Variants in C19orf44 observed in about 807,000 individuals in gnomAD.
C19orf44 encodes the protein uncharacterized protein C19orf44.
A neutral mutation model predicts 50.7 loss-of-function variants in C19orf44; 43 were observed. That is an observed-to-expected ratio of 0.85 (90% CI 0.66 to 1.09). C19orf44 has a LOEUF of 1.09. Among genes scored for constraint, C19orf44 ranks in the 50% least tolerant of loss-of-function variants. C19orf44 has a pLI of 0.00. For synonymous variants in C19orf44, 298 were observed against 334.7 expected (o/e 0.89, Z 1.20); for missense variants, 722 against 836.2 (o/e 0.86, Z 1.68).
At chr19:16,506,375 C>T (rs1341778494) in intron 3 of C19orf44, among the ~76,000 whole-genome samples, 3 of 152,062 alleles carry the variant, frequency 2.0e-5, no homozygotes, top group Non-Finnish European at 4.4e-5. Context: ...AGGTGAATCA[C>T]TTGAGGCCAG....
intron 7 of C19orf44, among the ~76,000 whole-genome samples, chr19:16,514,993 C>T (rs2093467829): frequency 6.6e-6 from 1 of 152,250 alleles, no homozygotes. Context: ...CCTCCTGAGA[C>T]ATCCCCGAGA....
At chr19:16,500,086 G>A (rs1247621264) in intron 1 of C19orf44, among the ~76,000 whole-genome samples, 6 of 151,854 alleles carry the variant, frequency 4.0e-5, no homozygotes, top group African/African-American at 9.7e-5. Flanking sequence ...CACGCCTGGC[G>A]CTTGACTAAT....
Position 16,503,397 on chromosome 19 carries a change from T to C in C19orf44, c.1075+17T>C. The C allele has an allele frequency of 1.3e-6, 2 of 1,597,012 alleles. No homozygotes were observed. The highest frequency in any genetic ancestry group is 2.3e-5 in the South Asian group (2 of 88,588). ...GCCTCGACGGTAATCCCAGTCCCGG[T>C]GCAAAGCCAGTACCTTGGGCAGGAA... On this transcript the variant is annotated intron_variant, in intron 3 of 8. Transcript: ENST00000221671.
Position 16,506,838 on chromosome 19 carries a change from A to G in C19orf44, c.1149+64A>G, listed in dbSNP as rs1195859735. On this transcript the variant is annotated intron_variant, in intron 4 of 8. Transcript: ENST00000221671. ...TTGGCTTCAACATTTTTTTTTTTAA[A>G]TTTTTAAAAAATTTAAAAATTGAGG... 3.2e-6 allele frequency: 4 copies of G among 1,267,748 alleles called. No individual in the cohort carries two copies. In the Admixed American group the frequency reaches 9.6e-5, roughly 31 times the overall value. The allele number at this position is 1,267,748 out of a possible 1,614,324, so 78.5% of individuals were successfully genotyped here. A position where few individuals can be genotyped will look rare whatever the true frequency, so the allele number is the denominator to read the frequency against.
At chr19:16,504,880 G>A (rs1271798171) in intron 3 of C19orf44, among the ~76,000 whole-genome samples, 2 of 151,052 alleles carry the variant, frequency 1.3e-5, no homozygotes, top group Admixed American at 1.3e-4. Context: ...GTGCAATGGC[G>A]TGATCTCGGC....
chr19:16,519,094 C>T lies in C19orf44; in HGVS notation c.*41-1000C>T, dbSNP rs1183746892. 5 of 1,422,942 alleles carry T rather than the reference C, an allele frequency of 3.5e-6. No individual in the cohort carries two copies. The African/African-American group carries it at 5.7e-5, about 16-fold the overall frequency. 88.1% of individuals were successfully genotyped at this position (1,422,942 alleles called of 1,614,324 possible). Reference sequence around the variant, plus strand: ...AGCTGTCACTGCAATCTTCCTCTGCCAGTCAGCCAGGAAGGTCCCACAGCC... The same window carrying T: ...AGCTGTCACTGCAATCTTCCTCTGCTAGTCAGCCAGGAAGGTCCCACAGCC... On this transcript the variant is annotated intron_variant, in intron 8 of 8. Coordinates refer to ENST00000221671, the MANE Select transcript of C19orf44 (RefSeq NM_032207.4). This position sits in a 1 kb window ranked among gnomAD's most constrained non-coding sequence, Gnocchi z 6.0.
At chr19:16,502,523 C>T (rs1255377397) in intron 2 of C19orf44, among the ~76,000 whole-genome samples, 4 of 152,114 alleles carry the variant, frequency 2.6e-5, no homozygotes, top group Non-Finnish European at 4.4e-5. Context: ...AGGCGTGAGC[C>T]ACCACGCCCA....
chr19:16,511,930 G>T (rs1016728112), intron 5 of C19orf44, among the ~76,000 whole-genome samples: 4 of 147,930 alleles, frequency 2.7e-5, no homozygotes, highest in Non-Finnish European at 5.9e-5. Context: ...CACAAGAATC[G>T]CTTGAAACCA....
chr19:16,517,145 T>C (rs1294607804), intron 7 of C19orf44, 85 bp from the exon 8 acceptor site: 17 of 1,280,818 alleles, frequency 1.3e-5, no homozygotes, highest in Non-Finnish European at 1.8e-5. Flanking sequence ...GGACAGGTGC[T>C]GGCTCCACTC....
At chr19:16,498,665 A>G (rs2093416474) in intron 1 of C19orf44, among the ~76,000 whole-genome samples, 1 of 148,662 alleles carries the variant, frequency 6.7e-6, no homozygotes, top group Non-Finnish European at 1.5e-5. Flanking sequence ...GTAGCTCCTC[A>G]TGGTTTTTTT....
chr19:16,518,898 C>T (rs116593693), intron 8 of C19orf44: 9 of 511,202 alleles, frequency 1.8e-5, no homozygotes, highest in Admixed American at 7.7e-5. Context: ...TTTTTTGCTT[C>T]GCTATAAAGG....
intron 2 of C19orf44, 30 bp downstream of exon 2, chr19:16,501,581 T>A: frequency 7.9e-7 from 1 of 1,269,480 alleles, no homozygotes; most frequent in South Asian, 2.7e-5. Context: ...GTAAATTTAT[T>A]TTAATTTATT....
chr19:16,512,089 C>T (rs2093458936), intron 5 of C19orf44, among the ~76,000 whole-genome samples: 1 of 151,252 alleles, frequency 6.6e-6, no homozygotes, highest in South Asian at 2.1e-4. Context: ...GGGGCTTAAC[C>T]TAACATCAGC....
chr19:16,512,597 G>T (rs373660818), intron 5 of C19orf44, among the ~76,000 whole-genome samples: 1 of 152,082 alleles, frequency 6.6e-6, no homozygotes, highest in Admixed American at 6.6e-5. Flanking sequence ...AAGAAGGGCC[G>T]GGTGCGGTGG....
intron 8 of C19orf44, chr19:16,518,899 G>C (rs1214486083): frequency 1.2e-5 from 6 of 512,628 alleles, no homozygotes; most frequent in Non-Finnish European, 1.7e-5. Context: ...TTTTTGCTTC[G>C]CTATAAAGGA....
At position 16,503,109 on chromosome 19, in the gene C19orf44, C is replaced by T. The variant is rs1045227155; in HGVS notation, c.804C>T (p.Leu268=). ...LRAFTVPSVE[L]SSAKPSQTSH... is the part of the protein sequence containing the mutation. ...CATTTACTGTACCCAGCGTGGAACT[C>T]TCCAGCGCAAAGCCTTCTCAGACAT... The change falls in exon 3 of 9, where the codon CTC becomes CTT. Residue 268 remains leucine, a synonymous_variant. Transcript: ENST00000221671. 5 of 1,614,006 alleles carry T rather than the reference C, an allele frequency of 3.1e-6. No homozygotes were observed. The African/African-American group carries it at 4.0e-5, about 13-fold the overall frequency.
chr19:16,498,855 A>G (rs866053933), intron 1 of C19orf44, among the ~76,000 whole-genome samples: 15 of 151,658 alleles, frequency 9.9e-5, no homozygotes, highest in African/African-American at 3.6e-4. Context: ...TGTTTTTAGT[A>G]GAGACGGGGT....
chr19:16,505,718 T>C (rs1371741349), intron 3 of C19orf44, among the ~76,000 whole-genome samples: 1 of 152,182 alleles, frequency 6.6e-6, no homozygotes, highest in Non-Finnish European at 1.5e-5. Flanking sequence ...AGCCTTGCTC[T>C]GTCACCCGGG....
intron 8 of C19orf44, chr19:16,518,654 G>A (rs1019457421): frequency 6.5e-6 from 1 of 154,052 alleles, no homozygotes; most frequent in African/African-American, 2.4e-5. Context: ...TCAATCCGCG[G>A]GCAGTCATGG....
Sources: allele counts gnomAD v4.1 joint callset (sites outside exome capture counted in the v4.1 genomes callset), GRCh38; gene constraint gnomAD v4.1.1; non-coding constraint Gnocchi (gnomAD v3.1); transcripts MANE v1.5; gene names NCBI Gene and HGNC (gene_info 2026-07-23, HGNC 2026-07-21).